IRAK1BP1: variants seen among roughly 807,000 people sequenced by gnomAD.
The protein encoded by IRAK1BP1 is interleukin 1 receptor associated kinase 1 binding protein 1.
A neutral mutation model predicts 28.0 loss-of-function variants in IRAK1BP1; 24 were observed. The ratio of observed to expected loss-of-function variants is 0.86; its 90% CI spans 0.62 to 1.20. The LOEUF (loss-of-function observed/expected upper bound fraction) is 1.20, where lower values mean the gene tolerates loss of function less well. Ranked by LOEUF, IRAK1BP1 falls within the 50% of genes most tolerant of loss-of-function variation. IRAK1BP1 has a pLI of 0.00. For synonymous variants in IRAK1BP1, 131 were observed against 116.3 expected, an observed-to-expected ratio of 1.13 and a Z score of -0.81; for missense variants, 336 against 316.7, an observed-to-expected ratio of 1.06 and a Z score of -0.46.
At chr6:78,918,578 TAAAAAAAA>T (rs58669467) in intron 4 of IRAK1BP1, among the ~76,000 whole-genome samples, 1 of 66,784 alleles carries the variant, frequency 1.5e-5, no homozygotes, top group Admixed American at 2.1e-4. Flanking sequence ...CCAAAAACAG[TAAAAAAAA>T]AAAAAAAAAA....
the IRAK1BP1 span, among the ~76,000 whole-genome samples, chr6:78,977,530 C>A: frequency 6.6e-6 from 1 of 152,032 alleles, no homozygotes; most frequent in East Asian, 1.9e-4. Context: ...TAAAAAAATA[C>A]CATTATTGCT....
the IRAK1BP1 span, chr6:78,970,925 GT>G: frequency 7.1e-7 from 1 of 1,411,560 alleles, no homozygotes; most frequent in South Asian, 1.2e-5. Flanking sequence ...ACCTGGATGT[GT>G]TTCCTTTAAT....
intron 4 of IRAK1BP1, among the ~76,000 whole-genome samples, chr6:78,923,464 A>G (rs1181431924): frequency 1.3e-5 from 2 of 152,204 alleles, no homozygotes; most frequent in Non-Finnish European, 1.5e-5. Context: ...CCACACAATA[A>G]TAATGGGAGA....
chr6:78,897,257 A>G (rs943670645), intron 2 of IRAK1BP1, among the ~76,000 whole-genome samples: 4 of 93,904 alleles, frequency 4.3e-5, no homozygotes, highest in African/African-American at 2.3e-4. Flanking sequence ...TGTCTCTCTT[A>G]AAAAAAAAAA....
the IRAK1BP1 span, among the ~76,000 whole-genome samples, chr6:78,972,720 A>G: frequency 6.6e-6 from 1 of 152,232 alleles, no homozygotes; most frequent in African/African-American, 2.4e-5. Context: ...CTCGAGAACT[A>G]TGTGAAGAAT....
intron 4 of IRAK1BP1, among the ~76,000 whole-genome samples, chr6:78,931,563 T>C (rs969800458): frequency 2.0e-5 from 3 of 152,140 alleles, no homozygotes; most frequent in African/African-American, 7.2e-5. Context: ...AATATTGCAA[T>C]AAAGCGAGTC....
chr6:78,871,116 C>T (rs1247863676), intron 1 of IRAK1BP1, among the ~76,000 whole-genome samples: 1 of 151,862 alleles, frequency 6.6e-6, no homozygotes, highest in Non-Finnish European at 1.5e-5. Flanking sequence ...TCTTACAGTT[C>T]TGGAATCTGG....
rs559503223 is a variant in IRAK1BP1 at position 78,925,180 on chromosome 6, T to G, written c.*68-20228T>G. Among the ~76,000 whole-genome samples, 93 of 149,430 alleles carry G rather than the reference T, an allele frequency of 6.2e-4. 1 individual carries two copies. The South Asian group carries it at 8.2e-3, about 13-fold the overall frequency. Reference sequence around the variant, plus strand: ...ACCGGGGCCTGTTTTGGGGTGGGGGTATGGGGGAGGGATAGCACTGGGAGA... The same window carrying G: ...ACCGGGGCCTGTTTTGGGGTGGGGGGATGGGGGAGGGATAGCACTGGGAGA... On this transcript the variant is annotated intron_variant and NMD_transcript_variant, in intron 4 of 4. Transcript: ENST00000606868.
intron 1 of IRAK1BP1, among the ~76,000 whole-genome samples, chr6:78,876,950 T>C (rs1394063176): frequency 2.0e-5 from 3 of 152,172 alleles, no homozygotes; most frequent in Non-Finnish European, 2.9e-5. Flanking sequence ...AACGTATCTA[T>C]AGTGAAACAA....
intron 4 of IRAK1BP1, chr6:78,940,108 C>G (rs1312902375): frequency 6.6e-6 from 1 of 152,302 alleles, no homozygotes; most frequent in Non-Finnish European, 1.5e-5. Flanking sequence ...GCAAAAGCCT[C>G]CTCTAGATAC....
At chr6:78,946,720 G>GC, downstream of IRAK1BP1, 1 of 1,564,730 alleles carries the variant, frequency 6.4e-7, no homozygotes. Flanking sequence ...CCTTGATGCA[G>GC]CACTACTGGA....
At chr6:78,916,942 T>TAA (rs905109587) in intron 4 of IRAK1BP1, among the ~76,000 whole-genome samples, 3 of 149,174 alleles carry the variant, frequency 2.0e-5, no homozygotes, top group African/African-American at 7.4e-5. Flanking sequence ...AGACTCCACC[T>TAA]AAAAAAAAAA....
chr6:78,971,015 T>C, the IRAK1BP1 span: 4 of 630,840 alleles, frequency 6.3e-6, no homozygotes, highest in Non-Finnish European at 1.1e-5. Flanking sequence ...TAATATTTTC[T>C]CCCTCCTCCT....
At chr6:78,965,719 C>A in the IRAK1BP1 span, 1 of 1,562,128 alleles carries the variant, frequency 6.4e-7, no homozygotes. Context: ...TAGGTATAAG[C>A]TCCATATCCC....
At chr6:78,877,290 T>G (rs1771035619) in intron 1 of IRAK1BP1, among the ~76,000 whole-genome samples, 1 of 152,236 alleles carries the variant, frequency 6.6e-6, no homozygotes, top group South Asian at 2.1e-4. Flanking sequence ...AAAAACTTTC[T>G]TAGATTCTAT....
intron 4 of IRAK1BP1, among the ~76,000 whole-genome samples, chr6:78,927,702 A>C (rs544125844): frequency 6.6e-6 from 1 of 152,160 alleles, no homozygotes; most frequent in South Asian, 2.1e-4. Context: ...TTTTGATTTG[A>C]GTTTTGTATA....
chr6:78,955,052 T>C, the IRAK1BP1 span: 4 of 968,588 alleles, frequency 4.1e-6, no homozygotes, highest in Non-Finnish European at 6.0e-6. Flanking sequence ...AATTGGGTAA[T>C]ATACAATAAT....
At chr6:78,903,198 G>C, downstream of IRAK1BP1, 1 of 687,254 alleles carries the variant, frequency 1.5e-6, no homozygotes, top group East Asian at 2.8e-5. Context: ...AACTTTATTA[G>C]GAGGCCAGGC....
At chr6:78,946,587 C>A, downstream of IRAK1BP1, 2 of 1,415,858 alleles carry the variant, frequency 1.4e-6, no homozygotes, top group South Asian at 1.7e-5. Context: ...ATCATAGGAA[C>A]TTGCATGTCA....
Sources: allele counts gnomAD v4.1 joint callset (sites outside exome capture counted in the v4.1 genomes callset), GRCh38; gene constraint gnomAD v4.1.1; transcripts MANE v1.5; gene names NCBI Gene and HGNC (gene_info 2026-07-23, HGNC 2026-07-21).